The following RYR2 variants were observed in gnomAD, a reference collection of about 807,000 sequenced individuals.
RYR2 encodes the protein cardiac muscle ryanodine receptor-calcium release channel.
A neutral mutation model predicts 601.1 loss-of-function variants in RYR2; 227 were observed. The ratio of observed to expected loss-of-function variants is 0.38; its 90% confidence interval spans 0.34 to 0.42. The LOEUF (loss-of-function observed/expected upper bound fraction) is 0.42. RYR2 is among the 10% of genes least tolerant of loss of function. The pLI, the probability that RYR2 is intolerant of heterozygous loss-of-function variation, is 1.00. For synonymous variants in RYR2, 2,223 were observed against 2,175.1 expected, an observed-to-expected ratio of 1.02 and a Z score of -0.61; for missense variants, 4,646 against 6,156.5, an observed-to-expected ratio of 0.75 and a Z score of 8.21.
intron 12 of RYR2, among the ~76,000 whole-genome samples, chr1:237,428,719 A>G (rs1240977905): frequency 2.0e-5 from 3 of 150,980 alleles, no homozygotes; most frequent in African/African-American, 7.3e-5. Flanking sequence ...ATACCTATGT[A>G]ACAAACTTGC....
At chr1:237,516,565 T>C (rs1381426772) in intron 24 of RYR2, among the ~76,000 whole-genome samples, 1 of 152,178 alleles carries the variant, frequency 6.6e-6, no homozygotes, top group Admixed American at 6.5e-5. Context: ...CAAATATCCA[T>C]CTCTACCCCA....
chr1:237,688,715 A>C (rs557272891), intron 63 of RYR2, among the ~76,000 whole-genome samples: 3 of 152,248 alleles, frequency 2.0e-5, no homozygotes, highest in African/African-American at 7.2e-5. Context: ...GGGCTTATTC[A>C]GGCAGGATTT....
chr1:237,586,097 A>G (rs928542054), intron 29 of RYR2, among the ~76,000 whole-genome samples: 7 of 152,220 alleles, frequency 4.6e-5, no homozygotes, highest in African/African-American at 1.7e-4. Context: ...AACATTTTAA[A>G]CATACTTTTT....
chr1:237,641,471 G>GTCTGTCTTTCTTTCTTTCTTTCTT (rs1260670992), intron 47 of RYR2, among the ~76,000 whole-genome samples: 3 of 108,616 alleles, frequency 2.8e-5, no homozygotes, highest in Admixed American at 9.4e-5. Flanking sequence ...GTGTCTGTCT[G>GTCTGTCTTTCTTTCTTTCTTTCTT]TCTTTCTTTC....
chr1:237,333,599 A>G (rs1479541079), intron 3 of RYR2: 22 of 456,044 alleles, frequency 4.8e-5, no homozygotes, highest in East Asian at 1.4e-4. Context: ...CATTTTATTC[A>G]TAAGGATGTG....
chr1:237,815,351 A>T (rs959954587), intron 100 of RYR2, among the ~76,000 whole-genome samples: 1 of 152,202 alleles, frequency 6.6e-6, no homozygotes, highest in Non-Finnish European at 1.5e-5. Flanking sequence ...ACAGCCATGT[A>T]TTGGAAGTTA....
At chr1:237,382,564 C>T (rs757535686) in intron 8 of RYR2, among the ~76,000 whole-genome samples, 1 of 122,496 alleles carries the variant, frequency 8.2e-6, no homozygotes, top group Non-Finnish European at 1.6e-5. Context: ...GTGTGATGTT[C>T]CCCTTCCTGT....
At chr1:237,743,825 G>A (rs1359498087) in intron 80 of RYR2, among the ~76,000 whole-genome samples, 1 of 152,132 alleles carries the variant, frequency 6.6e-6, no homozygotes, top group Non-Finnish European at 1.5e-5. Flanking sequence ...CAATTTAAAT[G>A]ACTCATAATT....
At chr1:237,110,468 A>G (rs1669343625) in intron 1 of RYR2, among the ~76,000 whole-genome samples, 1 of 124,406 alleles carries the variant, frequency 8.0e-6, no homozygotes, top group African/African-American at 3.2e-5. Flanking sequence ...TCCTGTGTCC[A>G]TGTGTTCTCA....
At chr1:237,166,563 C>T (rs888511150) in intron 1 of RYR2, among the ~76,000 whole-genome samples, 5 of 151,958 alleles carry the variant, frequency 3.3e-5, no homozygotes, top group Non-Finnish European at 7.4e-5. Context: ...AATGCATGAA[C>T]ATAACAAAGT....
intron 10 of RYR2, 70 bp downstream of exon 10, chr1:237,388,253 G>A (rs1277644561): frequency 3.1e-6 from 4 of 1,282,558 alleles, no homozygotes; most frequent in African/African-American, 1.5e-5. Context: ...AAAAACTAGG[G>A]ATCTATTCAT....
At chr1:237,069,287 TAAAG>T (rs1177800626) in intron 1 of RYR2, among the ~76,000 whole-genome samples, 1 of 152,244 alleles carries the variant, frequency 6.6e-6, no homozygotes, top group Admixed American at 6.5e-5. Context: ...CAATAGAACT[TAAAG>T]AGAGCAATTT....
At chr1:237,554,942 A>G (rs906815895) in intron 27 of RYR2, 1 of 152,030 alleles carries the variant, frequency 6.6e-6, no homozygotes, top group Non-Finnish European at 1.5e-5. Flanking sequence ...ACTTAAATGT[A>G]CTTTTGTTTT....
chr1:237,738,364 A>T (rs1045085971), intron 79 of RYR2, among the ~76,000 whole-genome samples: 6 of 152,146 alleles, frequency 3.9e-5, no homozygotes, highest in African/African-American at 1.4e-4. Context: ...ATAATGTAGT[A>T]ACTACCCATA....
intron 10 of RYR2, among the ~76,000 whole-genome samples, chr1:237,396,435 T>C (rs1702865396): frequency 6.6e-6 from 1 of 152,244 alleles, no homozygotes; most frequent in South Asian, 2.1e-4. Flanking sequence ...GAATCTAATA[T>C]ATGCTACAGA....
intron 1 of RYR2, among the ~76,000 whole-genome samples, chr1:237,252,554 A>T (rs1687564971): frequency 6.6e-6 from 1 of 152,194 alleles, no homozygotes; most frequent in Admixed American, 6.5e-5. Flanking sequence ...CCATGGGTGT[A>T]AGAAATTGTT....
chr1:237,683,030 G>T (rs2148948449), intron 62 of RYR2, among the ~76,000 whole-genome samples: 1 of 152,222 alleles, frequency 6.6e-6, no homozygotes, highest in African/African-American at 2.4e-5. Context: ...TTCGGAAAAT[G>T]ATCATGATAA....
At chr1:237,397,138 TG>T (rs1208810140) in intron 10 of RYR2, among the ~76,000 whole-genome samples, 3 of 151,490 alleles carry the variant, frequency 2.0e-5, no homozygotes, top group African/African-American at 4.9e-5. Context: ...CTTGGGTGGC[TG>T]AGACAGGAGA....
At chr1:237,711,394 TC>T (rs760976511) in intron 70 of RYR2, among the ~76,000 whole-genome samples, 3 of 152,190 alleles carry the variant, frequency 2.0e-5, no homozygotes, top group African/African-American at 7.2e-5. Flanking sequence ...GTTCTATGTG[TC>T]CTCGGAAAGT....
Sources: gnomAD v4.1 joint callset for allele counts (sites outside exome capture counted in the v4.1 genomes callset) on GRCh38, gnomAD v4.1.1 for gene constraint, MANE v1.5 for transcripts, NCBI Gene and HGNC (gene_info 2026-07-23, HGNC 2026-07-21) for gene names.